FHIT: variants seen among roughly 807,000 people sequenced by gnomAD.
The protein encoded by FHIT is bis(5'-adenosyl)-triphosphatase.
Under a neutral mutation model 17.9 loss-of-function variants are expected in FHIT, and 19 were observed. The observed-to-expected ratio is 1.06, with a 90% CI of 0.74 to 1.56. The LOEUF (loss-of-function observed/expected upper bound fraction) is 1.56, where lower values mean the gene tolerates loss of function less well. Ranked by LOEUF, FHIT falls within the 40% of genes most tolerant of loss-of-function variation. The probability of loss-of-function intolerance (pLI) is 0.00; values close to 1 mark genes in which losing one functional copy is unlikely to be tolerated. For missense variants in FHIT, 248 were observed against 189.2 expected, an observed-to-expected ratio of 1.31 and a Z score of -1.82; for synonymous variants, 81 against 69.7, an observed-to-expected ratio of 1.16 and a Z score of -0.81.
chr3:59,865,068 G>A (rs1385540989), intron 8 of FHIT, among the ~76,000 whole-genome samples: 1 of 151,950 alleles, frequency 6.6e-6, no homozygotes. Context: ...TCAAATAGAT[G>A]GTTCCTTATT....
chr3:60,726,264 T>C (rs1193768198), intron 4 of FHIT, among the ~76,000 whole-genome samples: 1 of 152,142 alleles, frequency 6.6e-6, no homozygotes, highest in East Asian at 1.9e-4. Context: ...AAAATTGTAT[T>C]AGTGACTAGA....
chr3:59,935,162 G>A (rs1370557211), intron 7 of FHIT, among the ~76,000 whole-genome samples: 1 of 152,064 alleles, frequency 6.6e-6, no homozygotes, highest in Non-Finnish European at 1.5e-5. Context: ...GCTTGCTGCT[G>A]GGTGGGAAGG....
chr3:61,216,001 A>C (rs1391550394), intron 1 of FHIT, among the ~76,000 whole-genome samples: 1 of 152,192 alleles, frequency 6.6e-6, no homozygotes, highest in Non-Finnish European at 1.5e-5. Flanking sequence ...TTCAAGATGC[A>C]TTAAAGACTT....
chr3:60,144,173 T>C (rs897587263), intron 5 of FHIT, among the ~76,000 whole-genome samples: 13 of 152,196 alleles, frequency 8.5e-5, no homozygotes, highest in African/African-American at 3.1e-4. Context: ...CCAGCATCCA[T>C]ACGGCAGAAG....
chr3:60,217,723 C>A (rs963392567), intron 5 of FHIT, among the ~76,000 whole-genome samples: 3 of 152,140 alleles, frequency 2.0e-5, no homozygotes, highest in African/African-American at 7.2e-5. Flanking sequence ...CCTCCATTAT[C>A]CAAATGCATC....
chr3:59,912,465 A>C (rs1559723919), intron 8 of FHIT, among the ~76,000 whole-genome samples: 1 of 152,190 alleles, frequency 6.6e-6, no homozygotes, highest in Non-Finnish European at 1.5e-5. Flanking sequence ...TCATATATAG[A>C]TTTGACCTAA....
chr3:60,970,916 T>G (rs1709976594), intron 3 of FHIT, among the ~76,000 whole-genome samples: 1 of 152,220 alleles, frequency 6.6e-6, no homozygotes, highest in Non-Finnish European at 1.5e-5. Flanking sequence ...TCTTGTTCCA[T>G]CTCTATCCCC....
intron 5 of FHIT, among the ~76,000 whole-genome samples, chr3:60,347,241 G>A (rs1710828306): frequency 2.0e-5 from 3 of 151,916 alleles, no homozygotes; most frequent in Admixed American, 1.3e-4. Context: ...TTTACTTAAT[G>A]GATGAGTCTC....
chr3:59,923,899 G>A (rs1240524749), intron 7 of FHIT, among the ~76,000 whole-genome samples: 3 of 152,166 alleles, frequency 2.0e-5, no homozygotes, highest in Non-Finnish European at 4.4e-5. Flanking sequence ...CTTCAAAGCA[G>A]CCCCTGAGCA....
chr3:60,495,034 T>G (rs2034238287), intron 5 of FHIT, among the ~76,000 whole-genome samples: 1 of 152,196 alleles, frequency 6.6e-6, no homozygotes, highest in African/African-American at 2.4e-5. Flanking sequence ...TTTAGTTTTC[T>G]GAGTAACCTC....
At chr3:60,655,882 G>A (rs2040102860) in intron 4 of FHIT, among the ~76,000 whole-genome samples, 1 of 152,194 alleles carries the variant, frequency 6.6e-6, no homozygotes, top group African/African-American at 2.4e-5. Context: ...GGGGTTAGTT[G>A]TTGGAAGGTT....
At chr3:60,912,701 G>A (rs1392164232) in intron 3 of FHIT, 4 of 504,920 alleles carry the variant, frequency 7.9e-6, no homozygotes, top group African/African-American at 1.9e-5. Context: ...AGGAATCTAT[G>A]TAACAAGCTT....
intron 4 of FHIT, among the ~76,000 whole-genome samples, chr3:60,717,441 T>C (rs2041710316): frequency 6.6e-6 from 1 of 152,154 alleles, no homozygotes; most frequent in African/African-American, 2.4e-5. Context: ...ACAAGTTTTA[T>C]TTGTCAACTA....
chr3:60,841,158 T>C (rs1702714204), intron 3 of FHIT, among the ~76,000 whole-genome samples: 2 of 152,218 alleles, frequency 1.3e-5, no homozygotes, highest in Admixed American at 1.3e-4. Context: ...AACAGATTTC[T>C]GAATATTTAA....
intron 2 of FHIT, among the ~76,000 whole-genome samples, chr3:61,157,223 T>C (rs1299732592): frequency 1.3e-5 from 2 of 152,170 alleles, no homozygotes; most frequent in African/African-American, 2.4e-5. Flanking sequence ...ACATTTAATG[T>C]GTGCGCAGAA....
rs140279881 is a variant in FHIT at position 61,158,552 on chromosome 3, C to T, written c.-164+42065G>A. Among the ~76,000 whole-genome samples, 220 of 152,288 alleles carry T rather than the reference C, an allele frequency of 1.4e-3. 1 individual carries two copies. Among genetic ancestry groups the T allele is most frequent in the African/African-American group, 4.9e-3 (203 of 41,570 alleles). On this transcript the variant is annotated intron_variant, in intron 2 of 9. Coordinates refer to ENST00000492590, the MANE Select transcript of FHIT (RefSeq NM_002012.4). ...GTCCTTGTACCCCTACTTCACATTA[C>T]GAATATGGTTTCATCTCTGACAGAA...
At chr3:61,001,771 C>T (rs767817890) in intron 3 of FHIT, among the ~76,000 whole-genome samples, 3 of 152,132 alleles carry the variant, frequency 2.0e-5, no homozygotes, top group Non-Finnish European at 2.9e-5. Context: ...GATAAAATTG[C>T]GTAGAGCTAC....
chr3:60,544,693 T>A (rs1202508098), intron 4 of FHIT, among the ~76,000 whole-genome samples: 4 of 149,608 alleles, frequency 2.7e-5, no homozygotes, highest in Non-Finnish European at 4.4e-5. Context: ...GCCTCCCCGG[T>A]TCAAGCGATT....
At chr3:60,804,367 C>CT (rs548033860) in intron 4 of FHIT, among the ~76,000 whole-genome samples, 18 of 152,332 alleles carry the variant, frequency 1.2e-4, no homozygotes, top group African/African-American at 3.8e-4. Flanking sequence ...ACCCCCAGTA[C>CT]TTCCCCTTAT....
Sources: gnomAD v4.1 joint callset for allele counts (sites outside exome capture counted in the v4.1 genomes callset) on GRCh38, gnomAD v4.1.1 for gene constraint, MANE v1.5 for transcripts, NCBI Gene and HGNC (gene_info 2026-07-23, HGNC 2026-07-21) for gene names.